The following AFG2A variants were observed in gnomAD, a reference collection of about 807,000 sequenced individuals.
The protein encoded by AFG2A is AAA ATPase AFG2A, also known as ATPase family gene 2 protein homolog A.
chr4:123,118,786 G>A, the AFG2A span, among the ~76,000 whole-genome samples: 25 of 152,058 alleles, frequency 1.6e-4, no homozygotes, highest in Middle Eastern at 3.4e-3. Context: ...GGGTTTCCAG[G>A]TTGGTATCAG....
At chr4:123,231,385 A>G in the AFG2A span, among the ~76,000 whole-genome samples, 1 of 152,000 alleles carries the variant, frequency 6.6e-6, no homozygotes, top group Non-Finnish European at 1.5e-5. Context: ...TGCTAGCTTC[A>G]AACTTTCTTC....
At chr4:123,116,644 A>G in the AFG2A span, among the ~76,000 whole-genome samples, 9 of 152,224 alleles carry the variant, frequency 5.9e-5, no homozygotes, top group Non-Finnish European at 1.0e-4. Context: ...ATTGATGTTT[A>G]CAATGCTTTA....
At chr4:123,055,717 CAGAG>C in the AFG2A span, among the ~76,000 whole-genome samples, 2 of 152,056 alleles carry the variant, frequency 1.3e-5, no homozygotes, top group Non-Finnish European at 2.9e-5. Context: ...TGCGCACACA[CAGAG>C]AGAGGGAGAG....
the AFG2A span, among the ~76,000 whole-genome samples, chr4:123,168,219 C>G: frequency 3.9e-4 from 59 of 152,298 alleles, no homozygotes; most frequent in East Asian, 0.01. Flanking sequence ...TGTTACCCTA[C>G]TACATTCTGT....
chr4:123,100,077 A>T, the AFG2A span, among the ~76,000 whole-genome samples: 20 of 152,038 alleles, frequency 1.3e-4, 1 homozygote, highest in East Asian at 3.9e-3. Flanking sequence ...TGGTTTTTCA[A>T]GACTGGAGAG....
chr4:123,093,226 C>T, the AFG2A span, among the ~76,000 whole-genome samples: 2 of 152,124 alleles, frequency 1.3e-5, no homozygotes, highest in Non-Finnish European at 2.9e-5. Flanking sequence ...CGTTGTGGTG[C>T]AGGGCTAACT....
chr4:122,934,437 G>T, the AFG2A span: 1 of 1,614,238 alleles, frequency 6.2e-7, no homozygotes. Context: ...GTGGACTTAT[G>T]CTAGAGGAAG....
At chr4:123,206,478 A>C in the AFG2A span, among the ~76,000 whole-genome samples, 2 of 152,144 alleles carry the variant, frequency 1.3e-5, no homozygotes, top group Non-Finnish European at 2.9e-5. Flanking sequence ...GTTCTTATTT[A>C]ATTCTCATAC....
chr4:123,114,087 C>T, the AFG2A span, among the ~76,000 whole-genome samples: 1 of 151,784 alleles, frequency 6.6e-6, no homozygotes, highest in Non-Finnish European at 1.5e-5. Context: ...TCATCCTGAC[C>T]TCAGCAGCTC....
At chr4:123,066,806 G>A in the AFG2A span, among the ~76,000 whole-genome samples, 1 of 152,216 alleles carries the variant, frequency 6.6e-6, no homozygotes, top group African/African-American at 2.4e-5. Context: ...ATTTTAAATA[G>A]TAAACAGTAA....
the AFG2A span, among the ~76,000 whole-genome samples, chr4:122,932,069 C>T: frequency 6.6e-6 from 1 of 151,832 alleles, no homozygotes; most frequent in South Asian, 2.1e-4. Context: ...GAGTTCGAGA[C>T]CAGCCTGGGA....
At chr4:123,079,745 C>CTTTTTT in the AFG2A span, among the ~76,000 whole-genome samples, 135 of 72,630 alleles carry the variant, frequency 1.9e-3, 1 homozygote, top group Non-Finnish European at 2.1e-3. Context: ...TCTTTTCCTT[C>CTTTTTT]TTTTTTTTTT....
the AFG2A span, among the ~76,000 whole-genome samples, chr4:123,048,191 G>C: frequency 6.6e-6 from 1 of 151,990 alleles, no homozygotes; most frequent in Non-Finnish European, 1.5e-5. Flanking sequence ...TTTATTTCTG[G>C]GTTCTCTCTT....
At chr4:123,161,166 A>G in the AFG2A span, among the ~76,000 whole-genome samples, 1 of 152,214 alleles carries the variant, frequency 6.6e-6, no homozygotes, top group Non-Finnish European at 1.5e-5. Context: ...GTACATAATC[A>G]GTGGTCACTG....
At chr4:122,986,142 T>A in the AFG2A span, among the ~76,000 whole-genome samples, 1 of 152,234 alleles carries the variant, frequency 6.6e-6, no homozygotes, top group Middle Eastern at 3.4e-3. Flanking sequence ...AGAGAGTGCT[T>A]GATATAATTT....
the AFG2A span, among the ~76,000 whole-genome samples, chr4:123,003,074 C>T: frequency 6.6e-6 from 1 of 152,158 alleles, no homozygotes; most frequent in Non-Finnish European, 1.5e-5. Flanking sequence ...ATCACTGATA[C>T]CCTTTCTTCC....
At chr4:123,059,840 G>A in the AFG2A span, among the ~76,000 whole-genome samples, 9 of 151,966 alleles carry the variant, frequency 5.9e-5, no homozygotes, top group South Asian at 1.9e-3. Flanking sequence ...TTTAATGATC[G>A]CCATTCTAAC....
the AFG2A span, among the ~76,000 whole-genome samples, chr4:123,012,064 G>C: frequency 1.1e-4 from 16 of 145,084 alleles, no homozygotes; most frequent in Admixed American, 2.1e-4. Context: ...AAGTGGAGAA[G>C]GGGTGTGGGG....
the AFG2A span, among the ~76,000 whole-genome samples, chr4:123,009,707 G>A: frequency 6.6e-6 from 1 of 152,112 alleles, no homozygotes; most frequent in South Asian, 2.1e-4. Context: ...TTCTCAATTT[G>A]AGTTTGGTTG....
Sources: gnomAD v4.1 joint callset for allele counts (sites outside exome capture counted in the v4.1 genomes callset) on GRCh38, gnomAD v4.1.1 for gene constraint, MANE v1.5 for transcripts, NCBI Gene and HGNC (gene_info 2026-07-23, HGNC 2026-07-21) for gene names.